The following FAT3 variants were observed in gnomAD, a reference collection of about 807,000 sequenced individuals.
The protein encoded by FAT3 is protocadherin Fat 3.
In FAT3, 95 loss-of-function variants were observed where a neutral mutation model predicts 310.2. The observed-to-expected ratio is 0.31, with a 90% CI of 0.26 to 0.36. The LOEUF is 0.36. Among genes scored for constraint, FAT3 ranks in the 10% least tolerant of loss-of-function variants. The pLI is 1.00. For missense variants in FAT3, 5,408 were observed against 5,715.6 expected (o/e 0.95, Z 1.74); for synonymous variants, 2,314 against 2,192.9 (o/e 1.06, Z -1.54).
At chr11:92,413,251 A>G (rs964859245) in intron 2 of FAT3, among the ~76,000 whole-genome samples, 11 of 152,212 alleles carry the variant, frequency 7.2e-5, no homozygotes, top group African/African-American at 2.4e-4. Flanking sequence ...TTGAAGCATC[A>G]GGCCAGACAA....
At chr11:92,695,483 G>A (rs1036150641) in intron 3 of FAT3, among the ~76,000 whole-genome samples, 1 of 151,882 alleles carries the variant, frequency 6.6e-6, no homozygotes, top group Non-Finnish European at 1.5e-5. Flanking sequence ...TTCACACAGA[G>A]GAACTCTGCA....
rs61901527 is a variant in FAT3, at chr11:92,330,209, C to A, written c.-17-21887C>A. Among the ~76,000 whole-genome samples the A allele has an allele frequency of 9.7e-3, 1,484 of 152,228 alleles. 8 individuals are homozygous for A. The highest frequency in any genetic ancestry group is 0.016 in the Non-Finnish European group (1,083 of 68,012). On this transcript the variant is annotated intron_variant, in intron 1 of 27. Coordinates refer to ENST00000525166, the MANE Select transcript of FAT3 (RefSeq NM_001367949.2). ...CTATGTAAGTCAAAACAAAATGAGACCTTTTTGAAATATTACAAAACTCCA... is the reference window on the plus strand; with the variant it reads ...CTATGTAAGTCAAAACAAAATGAGAACTTTTTGAAATATTACAAAACTCCA...
chr11:92,309,475 C>G (rs140841902), intron 1 of FAT3, among the ~76,000 whole-genome samples: 1 of 152,002 alleles, frequency 6.6e-6, no homozygotes, highest in Non-Finnish European at 1.5e-5. Context: ...CAAGTAGGAT[C>G]GTTCAAACTT....
chr11:92,278,623 T>C (rs765053752), intron 1 of FAT3, among the ~76,000 whole-genome samples: 8 of 152,134 alleles, frequency 5.3e-5, no homozygotes, highest in East Asian at 1.9e-4. Context: ...CATATATATA[T>C]ACACACACGT....
At chr11:92,371,693 G>C (rs1949191290) in intron 2 of FAT3, among the ~76,000 whole-genome samples, 1 of 152,150 alleles carries the variant, frequency 6.6e-6, no homozygotes, top group Admixed American at 6.5e-5. Context: ...CTCCAGCTTG[G>C]ACAACAGAGC....
Position 92,790,133 on chromosome 11 carries a change from T to C in FAT3, c.4526T>C (p.Phe1509Ser), listed in dbSNP as rs749260470. Residue 1509 changes from phenylalanine to serine, a missense_variant, in exon 8 of 28, where the codon TTC becomes TCC. Physicochemically the swap from Phe to Ser is radical, Grantham distance 155. Coordinates refer to ENST00000525166, the MANE Select transcript of FAT3 (RefSeq NM_001367949.2). ...ATCGACTCCATCAGCATGAGAAAAT[T>C]CCGGATTGACCCTAGCACTGGCGTG... is the stretch of plus-strand genomic sequence containing the variant. ...SSIDSISMRK[F>S]RIDPSTGVLY... 6.2e-7 allele frequency: 1 copy of C among 1,613,762 alleles called. No individual in the cohort carries two copies. Among genetic ancestry groups the C allele is most frequent in the Non-Finnish European group, 8.5e-7 (1 of 1,179,736 alleles).
chr11:92,770,113 A>G (rs1305322421), intron 6 of FAT3, among the ~76,000 whole-genome samples: 1 of 152,174 alleles, frequency 6.6e-6, no homozygotes, highest in Admixed American at 6.5e-5. Flanking sequence ...CCTTGCTCCA[A>G]GTCATTCAAC....
rs1042359199 is a variant in FAT3 at position 92,881,556 on chromosome 11, G to A, written c.12281+672G>A. ...TGGATGTAATTTAAAGTAATAAAGC[G>A]GCATTTATTTTTAAATACTCTGTGA... On this transcript the variant is annotated intron_variant, in intron 23 of 27. Transcript: ENST00000525166. Among the ~76,000 whole-genome samples the A allele has an allele frequency of 5.9e-5, 9 of 152,080 alleles. No individual in the cohort carries two copies. The East Asian group carries it at 9.6e-4, about 16-fold the overall frequency.
At chr11:92,765,149 G>GAAAAA (rs140929549) in intron 6 of FAT3, 60 bp downstream of exon 6, 2 of 984,338 alleles carry the variant, frequency 2.0e-6, no homozygotes, top group African/African-American at 1.8e-5. Flanking sequence ...AAGCAACTAG[G>GAAAAA]AAAAAAAAAA....
At chr11:92,754,421 C>T (rs367856898) in intron 4 of FAT3, among the ~76,000 whole-genome samples, 2 of 151,348 alleles carry the variant, frequency 1.3e-5, no homozygotes, top group South Asian at 2.1e-4. Context: ...GTCAGGAGAT[C>T]GAGACCATCC....
chr11:92,782,027 A>G (rs1251902992), intron 7 of FAT3, among the ~76,000 whole-genome samples: 1 of 152,134 alleles, frequency 6.6e-6, no homozygotes, highest in Non-Finnish European at 1.5e-5. Context: ...AAGGATAGGA[A>G]GGCCAGGCAT....
At chr11:92,316,558 C>T (rs1462389375) in intron 1 of FAT3, among the ~76,000 whole-genome samples, 4 of 152,128 alleles carry the variant, frequency 2.6e-5, no homozygotes, top group Admixed American at 2.0e-4. Flanking sequence ...TGACTGCTTC[C>T]GTTAGTCTTG....
chr11:92,703,007 G>C (rs1944148877), intron 4 of FAT3, among the ~76,000 whole-genome samples: 1 of 152,198 alleles, frequency 6.6e-6, no homozygotes, highest in Non-Finnish European at 1.5e-5. Context: ...ATGAATAACA[G>C]ATTACAGAGG....
At chr11:92,254,456 G>T (rs999647481) in intron 1 of FAT3, among the ~76,000 whole-genome samples, 3 of 152,280 alleles carry the variant, frequency 2.0e-5, no homozygotes, top group Admixed American at 6.5e-5. Flanking sequence ...AACAGTTTAA[G>T]ATCCTGCTGG....
At chr11:92,782,938 G>C (rs937211424) in intron 7 of FAT3, among the ~76,000 whole-genome samples, 1 of 152,210 alleles carries the variant, frequency 6.6e-6, no homozygotes, top group African/African-American at 2.4e-5. Flanking sequence ...TAAAAGTGGA[G>C]AAGAAACAAA....
At chr11:92,356,664 T>G (rs1182658384) in intron 2 of FAT3, among the ~76,000 whole-genome samples, 7 of 152,128 alleles carry the variant, frequency 4.6e-5, no homozygotes, top group Non-Finnish European at 1.0e-4. Flanking sequence ...CATCAAAACC[T>G]AACTTCCTCC....
chr11:92,837,090 A>T (rs1417343253), intron 16 of FAT3, among the ~76,000 whole-genome samples: 1 of 152,206 alleles, frequency 6.6e-6, no homozygotes, highest in African/African-American at 2.4e-5. Flanking sequence ...CAGAAAAAAT[A>T]GTCCAAAAAA....
intron 2 of FAT3, among the ~76,000 whole-genome samples, chr11:92,355,848 T>G (rs977769423): frequency 6.6e-6 from 1 of 152,304 alleles, no homozygotes. Flanking sequence ...TTTGCAGAAG[T>G]GATATTGCAT....
chr11:92,273,006 C>G (rs535675550), intron 1 of FAT3, among the ~76,000 whole-genome samples: 36 of 152,160 alleles, frequency 2.4e-4, no homozygotes, highest in Middle Eastern at 3.4e-3. Flanking sequence ...CAGATTTTTC[C>G]TAATAGCTCT....
Sources: allele counts gnomAD v4.1 joint callset (sites outside exome capture counted in the v4.1 genomes callset), GRCh38; gene constraint gnomAD v4.1.1; transcripts MANE v1.5; gene names NCBI Gene and HGNC (gene_info 2026-07-23, HGNC 2026-07-21).